Variants in ADD3 observed in about 807,000 individuals in gnomAD.
The protein encoded by ADD3 is gamma-adducin.
Under a neutral mutation model 80.2 loss-of-function variants are expected in ADD3, and 25 were observed. The ratio of observed to expected loss-of-function variants is 0.31; its 90% CI spans 0.23 to 0.44. ADD3 has a LOEUF of 0.44. ADD3 is among the 20% of genes least tolerant of loss of function. The pLI, the probability that ADD3 is intolerant of heterozygous loss-of-function variation, is 1.00. For missense variants in ADD3, 829 were observed against 847.5 expected, an observed-to-expected ratio of 0.98 and a Z score of 0.27; for synonymous variants, 284 against 289.6, an observed-to-expected ratio of 0.98 and a Z score of 0.20.
intron 1 of ADD3, among the ~76,000 whole-genome samples, chr10:110,059,854 C>T (rs1858672609): frequency 6.6e-6 from 1 of 152,216 alleles, no homozygotes; most frequent in Admixed American, 6.5e-5. Context: ...CTTGCTACAA[C>T]CTGTTTATTC....
chr10:110,077,289 G>T (rs1845478818), intron 1 of ADD3, among the ~76,000 whole-genome samples: 1 of 150,964 alleles, frequency 6.6e-6, no homozygotes, highest in East Asian at 1.9e-4. Context: ...TAGTTCACTT[G>T]TCTGCTTTTT....
At chr10:110,076,737 A>C (rs907955914) in intron 1 of ADD3, among the ~76,000 whole-genome samples, 1 of 152,196 alleles carries the variant, frequency 6.6e-6, no homozygotes. Context: ...ACTTCCATCT[A>C]ACATTCTGTT....
At chr10:110,036,022 A>T (rs1855598701) in intron 1 of ADD3, among the ~76,000 whole-genome samples, 1 of 152,028 alleles carries the variant, frequency 6.6e-6, no homozygotes, top group Non-Finnish European at 1.5e-5. Flanking sequence ...GTGGTGGCAG[A>T]TGCCTGTAAT....
At chr10:110,123,601 T>C (rs1310251880) in intron 9 of ADD3, among the ~76,000 whole-genome samples, 2 of 152,208 alleles carry the variant, frequency 1.3e-5, no homozygotes, top group Non-Finnish European at 2.9e-5. Flanking sequence ...TTAAAAGATG[T>C]ATGGTTTGGC....
chr10:110,065,348 A>G (rs1042290307), intron 1 of ADD3, among the ~76,000 whole-genome samples: 1 of 151,768 alleles, frequency 6.6e-6, no homozygotes, highest in Non-Finnish European at 1.5e-5. Flanking sequence ...AGTCCTTTGT[A>G]GGCAGTCTGT....
At chr10:110,037,768 G>A (rs1417902397) in intron 1 of ADD3, among the ~76,000 whole-genome samples, 1 of 151,806 alleles carries the variant, frequency 6.6e-6, no homozygotes. Flanking sequence ...AAACTCATAA[G>A]ATATTTGGAA....
chr10:110,099,111 T>C (rs917210765), intron 1 of ADD3, among the ~76,000 whole-genome samples: 3 of 150,246 alleles, frequency 2.0e-5, no homozygotes, highest in Admixed American at 1.3e-4. Context: ...ATTTATTTTG[T>C]AGAGACAGGG....
intron 10 of ADD3, among the ~76,000 whole-genome samples, chr10:110,125,249 A>G (rs1335300159): frequency 1.3e-5 from 2 of 152,190 alleles, no homozygotes; most frequent in Non-Finnish European, 2.9e-5. Context: ...GCTTTCTTTA[A>G]GGATTATAAT....
At chr10:110,090,133 A>ATCC (rs34574891) in intron 1 of ADD3, among the ~76,000 whole-genome samples, 12,314 of 151,270 alleles carry the variant, frequency 0.081, 1,558 homozygotes, top group African/African-American at 0.28. Flanking sequence ...GGTTAGACTG[A>ATCC]TCCTCAGCAT....
chr10:110,069,258 A>G (rs540357595), intron 1 of ADD3, among the ~76,000 whole-genome samples: 1 of 152,208 alleles, frequency 6.6e-6, no homozygotes, highest in Admixed American at 6.5e-5. Flanking sequence ...AATGATCTGC[A>G]TATTCTTCTT....
intron 1 of ADD3, among the ~76,000 whole-genome samples, chr10:110,079,449 AGAGAGAGAGAGAGTGT>A (rs1489185425): frequency 3.8e-5 from 5 of 132,390 alleles, no homozygotes; most frequent in African/African-American, 1.6e-4. Flanking sequence ...AGAGAGAGAG[AGAGAGAGAGAGAGTGT>A]GTGTGTGTGT....
chr10:110,076,143 CTT>C (rs1380553390), intron 1 of ADD3, among the ~76,000 whole-genome samples: 1 of 152,084 alleles, frequency 6.6e-6, no homozygotes, highest in Non-Finnish European at 1.5e-5. Flanking sequence ...TTTACTCAAA[CTT>C]TAATTTTATG....
In ADD3 at chr10:110,024,321, C is replaced by A. The variant is rs549488546; in HGVS notation, c.-30+16022C>A. Among the ~76,000 whole-genome samples, 6 of 152,258 alleles carry A rather than the reference C, an allele frequency of 3.9e-5. No individual in the cohort carries two copies. In the South Asian group the frequency reaches 1.0e-3, roughly 26 times the overall value. ...TAACATATGGTGGTTTATCTTGAAA[C>A]TTCAAAAGTAAACATAGCGTAAGCA... On this transcript the variant is annotated intron_variant, in intron 1 of 14. Transcript: ENST00000356080.
rs771983836 is a variant in ADD3, at chr10:110,133,588, GA to G, written c.2093del (p.Asn698ThrfsTer11). 3 of 1,580,786 alleles carry G rather than the reference GA, an allele frequency of 1.9e-6. No homozygotes were observed. Among genetic ancestry groups the G allele is most frequent in the Non-Finnish European group, 2.6e-6 (3 of 1,168,202 alleles). ...KFRTPSFLKK[N>X]KKKEKVEA ...TCCGCACTCCTTCTTTTCTGAAAAA[GA>G]ACAAAAAAAAGGAGAAAGTTGAGGC... is the stretch of plus-strand genomic sequence containing the variant. On this transcript the variant is annotated frameshift_variant, in exon 15 of 15. Coordinates refer to ENST00000356080, the MANE Select transcript of ADD3 (RefSeq NM_016824.5). LOFTEE classifies it high-confidence loss of function.
chr10:110,102,444 G>A (rs994664234), intron 2 of ADD3, among the ~76,000 whole-genome samples: 1 of 152,034 alleles, frequency 6.6e-6, no homozygotes, highest in Admixed American at 6.6e-5. Context: ...CCCAGTCTTT[G>A]CAAGAAATTA....
chr10:110,054,205 A>G (rs1456634205), intron 1 of ADD3, among the ~76,000 whole-genome samples: 12 of 152,238 alleles, frequency 7.9e-5, no homozygotes, highest in Admixed American at 2.0e-4. Flanking sequence ...GGGGAATGGT[A>G]TGTGAATATT....
chr10:110,076,985 G>A (rs936543990), intron 1 of ADD3: 6 of 152,198 alleles, frequency 3.9e-5, no homozygotes, highest in Non-Finnish European at 5.9e-5. Context: ...CCCAGAGTGA[G>A]CTCCACCCTT....
At chr10:110,080,944 G>A (rs1218836424) in intron 1 of ADD3, among the ~76,000 whole-genome samples, 5 of 152,194 alleles carry the variant, frequency 3.3e-5, no homozygotes, top group African/African-American at 1.2e-4. Context: ...TCACACATAG[G>A]ATATTTAGCA....
At chr10:110,088,634 G>T (rs1448598866) in intron 1 of ADD3, among the ~76,000 whole-genome samples, 2 of 152,108 alleles carry the variant, frequency 1.3e-5, no homozygotes, top group African/African-American at 4.8e-5. Flanking sequence ...ACAGTTTTTG[G>T]ATTGACTTTT....
Sources: allele counts gnomAD v4.1 joint callset (sites outside exome capture counted in the v4.1 genomes callset), GRCh38; gene constraint gnomAD v4.1.1; transcripts MANE v1.5; gene names NCBI Gene and HGNC (gene_info 2026-07-23, HGNC 2026-07-21).